The following IMMP2L variants were observed in gnomAD, a reference collection of about 807,000 sequenced individuals.
IMMP2L encodes the protein inner mitochondrial membrane peptidase subunit 2.
Under a neutral mutation model 19.3 loss-of-function variants are expected in IMMP2L, and 18 were observed. The observed-to-expected ratio is 0.93, with a 90% CI of 0.64 to 1.38. The LOEUF is 1.38. Among genes scored for constraint, IMMP2L ranks in the 40% most tolerant of loss-of-function variants. The pLI, the probability that IMMP2L is intolerant of heterozygous loss-of-function variation, is 0.00. For synonymous variants in IMMP2L, 76 were observed against 73.0 expected, an observed-to-expected ratio of 1.04 and a Z score of -0.21; for missense variants, 233 against 218.2, an observed-to-expected ratio of 1.07 and a Z score of -0.43.
chr7:110,794,054 T>C (rs1259602328), intron 5 of IMMP2L, among the ~76,000 whole-genome samples: 2 of 152,088 alleles, frequency 1.3e-5, no homozygotes, highest in East Asian at 3.9e-4. Flanking sequence ...CTGGTAGAAA[T>C]GCAAAATGGC....
intron 3 of IMMP2L, among the ~76,000 whole-genome samples, chr7:111,043,290 A>G (rs148330718): frequency 6.6e-6 from 1 of 152,218 alleles, no homozygotes; most frequent in Non-Finnish European, 1.5e-5. Flanking sequence ...TTGATTTTTA[A>G]AAGTGTTAAT....
At chr7:110,979,802 G>A (rs751062732) in intron 3 of IMMP2L, among the ~76,000 whole-genome samples, 1 of 152,166 alleles carries the variant, frequency 6.6e-6, no homozygotes, top group African/African-American at 2.4e-5. Context: ...GATGGAAAGT[G>A]TGCTTAAGGG....
At chr7:110,841,372 A>C (rs1281620126) in intron 5 of IMMP2L, among the ~76,000 whole-genome samples, 1 of 147,606 alleles carries the variant, frequency 6.8e-6, no homozygotes, top group African/African-American at 2.4e-5. Context: ...GATGAGACCA[A>C]AAAAGGACAT....
chr7:111,557,212 T>G (rs181983067), intron 1 of IMMP2L, among the ~76,000 whole-genome samples: 1 of 152,094 alleles, frequency 6.6e-6, no homozygotes, highest in African/African-American at 2.4e-5. Context: ...AGTCTTGCCA[T>G]GACCCCACAC....
intron 3 of IMMP2L, among the ~76,000 whole-genome samples, chr7:111,360,115 G>A (rs1829118364): frequency 9.9e-6 from 1 of 100,890 alleles, no homozygotes; most frequent in African/African-American, 9.1e-5. Flanking sequence ...TTACAATTTC[G>A]CCATAATGTG....
At chr7:110,824,036 G>A (rs1333376199) in intron 5 of IMMP2L, among the ~76,000 whole-genome samples, 2 of 152,038 alleles carry the variant, frequency 1.3e-5, no homozygotes, top group African/African-American at 2.4e-5. Context: ...ACAACCAACA[G>A]TGTCACTGCA....
At chr7:111,427,682 G>C (rs1263294060) in intron 3 of IMMP2L, among the ~76,000 whole-genome samples, 1 of 151,774 alleles carries the variant, frequency 6.6e-6, no homozygotes, top group African/African-American at 2.4e-5. Flanking sequence ...CTTGGAAAAG[G>C]ATCTTGACTA....
At chr7:110,811,277 C>T (rs535180439) in intron 5 of IMMP2L, among the ~76,000 whole-genome samples, 1 of 151,944 alleles carries the variant, frequency 6.6e-6, no homozygotes. Context: ...TGGAGAAGCA[C>T]AAGGCTTAAT....
intron 4 of IMMP2L, among the ~76,000 whole-genome samples, chr7:110,917,433 G>T (rs1186100930): frequency 6.6e-6 from 1 of 152,080 alleles, no homozygotes; most frequent in East Asian, 1.9e-4. Context: ...AACACTATCT[G>T]CATGTCAAAA....
intron 3 of IMMP2L, among the ~76,000 whole-genome samples, chr7:111,296,006 TA>T (rs1821598279): frequency 7.4e-6 from 1 of 134,600 alleles, no homozygotes; most frequent in South Asian, 2.2e-4. Flanking sequence ...AAAAAAGCAC[TA>T]AAAATGAAAG....
chr7:111,420,573 T>G, intron 3 of IMMP2L, among the ~76,000 whole-genome samples: 1 of 20,940 alleles, frequency 4.8e-5, no homozygotes, highest in East Asian at 1.1e-3. Flanking sequence ...CACCCCCCGA[T>G]AGTCCCCCGT....
intron 3 of IMMP2L, among the ~76,000 whole-genome samples, chr7:111,177,262 C>A (rs1424579501): frequency 6.6e-6 from 1 of 152,066 alleles, no homozygotes; most frequent in Non-Finnish European, 1.5e-5. Context: ...TCACTGCAGG[C>A]TTGACCTCCC....
chr7:111,051,794 A>G (rs1793029484), intron 3 of IMMP2L, among the ~76,000 whole-genome samples: 1 of 152,252 alleles, frequency 6.6e-6, no homozygotes, highest in Non-Finnish European at 1.5e-5. Context: ...GATTGATTCT[A>G]TCATAAGCAG....
At chr7:110,861,098 TGAGAGAGAGA>T (rs5886583) in intron 5 of IMMP2L, among the ~76,000 whole-genome samples, 7 of 141,638 alleles carry the variant, frequency 4.9e-5, no homozygotes, top group South Asian at 4.5e-4. Context: ...TGTGTGTGTG[TGAGAGAGAGA>T]GAGAGAGAGA....
chr7:111,013,824 A>AT lies in IMMP2L; in HGVS notation c.240-50260dup, dbSNP rs1007811818. Among the ~76,000 whole-genome samples the AT allele has an allele frequency of 4.0e-3, 593 of 149,464 alleles. 3 individuals are homozygous for AT. The highest frequency in any genetic ancestry group is 0.014 in the African/African-American group (562 of 40,710). On this transcript the variant is annotated intron_variant, in intron 3 of 5. Transcript: ENST00000405709. ...TGATTAAACATTAAGTAGACTGCTT[A>AT]TTTTTTTTTTCTTTTTTAAAAAACA...
intron 3 of IMMP2L, among the ~76,000 whole-genome samples, chr7:111,275,815 T>C (rs768620506): frequency 2.0e-5 from 3 of 152,112 alleles, no homozygotes; most frequent in Admixed American, 1.3e-4. Flanking sequence ...GTAAATGGGA[T>C]TGTCTTCTTG....
intron 3 of IMMP2L, among the ~76,000 whole-genome samples, chr7:111,199,246 C>G (rs1809841955): frequency 6.6e-6 from 1 of 152,084 alleles, no homozygotes; most frequent in African/African-American, 2.4e-5. Flanking sequence ...TCAAATATTT[C>G]AATTCTCTCA....
chr7:111,038,202 GAA>G (rs1462959177), intron 3 of IMMP2L, among the ~76,000 whole-genome samples: 2 of 152,106 alleles, frequency 1.3e-5, no homozygotes, highest in African/African-American at 4.8e-5. Flanking sequence ...AAAAGGCAAA[GAA>G]AGAGAGTAAG....
chr7:111,465,087 G>A lies in IMMP2L; in HGVS notation c.239+22151C>T, dbSNP rs144588849. On this transcript the variant is annotated intron_variant, in intron 3 of 5. Transcript: ENST00000405709. ...TGGGATTACAGGTGTGAGCCACCGCGTCCGGCCAACACAGCCAACTCTTTA... is the reference window on the plus strand; with the variant it reads ...TGGGATTACAGGTGTGAGCCACCGCATCCGGCCAACACAGCCAACTCTTTA... Among the ~76,000 whole-genome samples, 316 of 151,934 alleles carry A rather than the reference G, an allele frequency of 2.1e-3. 3 individuals are homozygous for A. Among genetic ancestry groups the A allele is most frequent in the African/African-American group, 7.3e-3 (301 of 41,440 alleles).
Sources: gnomAD v4.1 joint callset for allele counts (sites outside exome capture counted in the v4.1 genomes callset) on GRCh38, gnomAD v4.1.1 for gene constraint, MANE v1.5 for transcripts, NCBI Gene and HGNC (gene_info 2026-07-23, HGNC 2026-07-21) for gene names.